The following PAWR variants were observed in gnomAD, a reference collection of about 807,000 sequenced individuals.
PAWR encodes pro-apoptotic WT1 regulator.
In PAWR, 23 loss-of-function variants were observed where a neutral mutation model predicts 32.0. The observed-to-expected ratio is 0.72, with a 90% CI of 0.52 to 1.02. PAWR has a LOEUF of 1.02. PAWR is among the 50% of genes least tolerant of loss of function. PAWR has a pLI of 0.00. For synonymous variants in PAWR, 226 were observed against 187.1 expected, an observed-to-expected ratio of 1.21 and a Z score of -1.70; for missense variants, 457 against 437.7, an observed-to-expected ratio of 1.04 and a Z score of -0.39.
chr12:79,630,257 A>G (rs933908835), intron 2 of PAWR, among the ~76,000 whole-genome samples: 1 of 151,794 alleles, frequency 6.6e-6, no homozygotes, highest in Non-Finnish European at 1.5e-5. Flanking sequence ...ATATTCTATG[A>G]TATTAAAAGA....
At chr12:79,621,261 A>C in intron 2 of PAWR, 54 bp from the exon 3 acceptor site, 2 of 1,318,784 alleles carry the variant, frequency 1.5e-6, no homozygotes, top group Non-Finnish European at 2.1e-6. Context: ...GACTGTTTCG[A>C]TAATATGTGA....
chr12:79,651,854 C>A (rs906342618), intron 2 of PAWR, among the ~76,000 whole-genome samples: 1 of 152,088 alleles, frequency 6.6e-6, no homozygotes, highest in African/African-American at 2.4e-5. Flanking sequence ...AAGAAGCAAG[C>A]CAGTATCTAC....
At chr12:79,682,475 A>T (rs1878492453) in intron 2 of PAWR, among the ~76,000 whole-genome samples, 1 of 152,258 alleles carries the variant, frequency 6.6e-6, no homozygotes, top group Admixed American at 6.5e-5. Flanking sequence ...TACTTAAAAT[A>T]AATGAGACTA....
chr12:79,594,700 CGTGTGTGTGT>C (rs34121968), intron 5 of PAWR, among the ~76,000 whole-genome samples: 145 of 148,580 alleles, frequency 9.8e-4, no homozygotes, highest in Middle Eastern at 3.5e-3. Flanking sequence ...GATTTAACCT[CGTGTGTGTGT>C]GTGTGTGTGT....
intron 2 of PAWR, among the ~76,000 whole-genome samples, chr12:79,653,804 C>A (rs1486884812): frequency 6.6e-6 from 1 of 152,188 alleles, no homozygotes; most frequent in Non-Finnish European, 1.5e-5. Context: ...TAAGAATTCA[C>A]CTCCTCATTT....
At chr12:79,640,151 C>A (rs1876251273) in intron 2 of PAWR, among the ~76,000 whole-genome samples, 1 of 152,138 alleles carries the variant, frequency 6.6e-6, no homozygotes, top group Non-Finnish European at 1.5e-5. Context: ...GATCCTCCCA[C>A]CTCAGCCTCC....
intron 2 of PAWR, among the ~76,000 whole-genome samples, chr12:79,645,486 G>C (rs1268484511): frequency 6.6e-6 from 1 of 152,152 alleles, no homozygotes; most frequent in East Asian, 1.9e-4. Context: ...AAGGCCATTA[G>C]TGCTGTGTAA....
intron 2 of PAWR, among the ~76,000 whole-genome samples, chr12:79,641,649 C>A (rs1186767649): frequency 1.3e-5 from 2 of 151,816 alleles, no homozygotes; most frequent in African/African-American, 4.8e-5. Flanking sequence ...GAGATCGAGA[C>A]CATCCTGGCC....
intron 2 of PAWR, among the ~76,000 whole-genome samples, chr12:79,641,845 CAAAAAAAAAA>C (rs35377529): frequency 3.5e-5 from 2 of 57,628 alleles, no homozygotes; most frequent in Non-Finnish European, 6.1e-5. Flanking sequence ...GACTCCGTCT[CAAAAAAAAAA>C]AAAAAAAAAA....
intron 2 of PAWR, among the ~76,000 whole-genome samples, chr12:79,650,242 C>A (rs946726787): frequency 6.6e-6 from 1 of 152,194 alleles, no homozygotes; most frequent in Non-Finnish European, 1.5e-5. Flanking sequence ...ATATTTAAAG[C>A]ATTTCATTTT....
At position 79,601,472 on chromosome 12, in the gene PAWR, T is replaced by C. The variant is rs368595175; in HGVS notation, c.684-4814A>G. Reference sequence around the variant, plus strand: ...TTCCTGCGTCAGCCACCCAAAGTGCTTGGAGTAGAAGTCTGAGCTACCACG... The same window carrying C: ...TTCCTGCGTCAGCCACCCAAAGTGCCTGGAGTAGAAGTCTGAGCTACCACG... On this transcript the variant is annotated intron_variant, in intron 4 of 6. Transcript: ENST00000328827. 3.4e-4 allele frequency among the ~76,000 whole-genome samples: 51 copies of C among 152,180 alleles called. 1 individual carries two copies. Among genetic ancestry groups the C allele is most frequent in the South Asian group, 4.1e-4 (2 of 4,824 alleles).
chr12:79,677,472 GAAAT>G (rs1878226430), intron 2 of PAWR, among the ~76,000 whole-genome samples: 1 of 151,940 alleles, frequency 6.6e-6, no homozygotes, highest in Non-Finnish European at 1.5e-5. Flanking sequence ...AGCTTAAAAT[GAAAT>G]AATAAGACAA....
chr12:79,643,508 C>T (rs530749862), intron 2 of PAWR, among the ~76,000 whole-genome samples: 4 of 152,126 alleles, frequency 2.6e-5, no homozygotes, highest in South Asian at 4.1e-4. Context: ...AAAGACATTT[C>T]AAAGCCTATA....
intron 4 of PAWR, among the ~76,000 whole-genome samples, chr12:79,606,148 T>C (rs531015633): frequency 9.2e-5 from 14 of 152,192 alleles, no homozygotes; most frequent in African/African-American, 2.4e-4. Flanking sequence ...ATATCCAACA[T>C]AGACAAATCT....
At chr12:79,654,925 T>TA (rs1877024429) in intron 2 of PAWR, among the ~76,000 whole-genome samples, 1 of 152,218 alleles carries the variant, frequency 6.6e-6, no homozygotes, top group African/African-American at 2.4e-5. Flanking sequence ...CAGAGGGAGT[T>TA]ACCACTTGGG....
chr12:79,682,305 T>C (rs1218405072), intron 2 of PAWR, among the ~76,000 whole-genome samples: 1 of 152,092 alleles, frequency 6.6e-6, no homozygotes, highest in African/African-American at 2.4e-5. Context: ...GTGTGAGCTA[T>C]GGCACCTGGC....
At position 79,591,630 on chromosome 12, in the gene PAWR, T is replaced by C. The variant is rs1873560377; in HGVS notation, c.*977A>G. 6.6e-6 allele frequency: 1 copy of C among 152,050 alleles called. No homozygotes were observed. Among genetic ancestry groups the C allele is most frequent in the Non-Finnish European group, 1.5e-5 (1 of 67,986 alleles). 9.4% of individuals were successfully genotyped at this position (152,050 alleles called of 1,614,324 possible). A position where few individuals can be genotyped will look rare whatever the true frequency, so the allele number is the denominator to read the frequency against. ...TTTGAAATAGCGGAATATTCTCTCA[T>C]ATGAAAAAACTGTGTCCCAGTGTTA... is the stretch of plus-strand genomic sequence containing the variant. On this transcript the variant is annotated 3_prime_UTR_variant, in exon 7 of 7. Coordinates refer to ENST00000328827, the MANE Select transcript of PAWR (RefSeq NM_002583.4).
chr12:79,689,319 T>C (rs1021335271), intron 2 of PAWR, among the ~76,000 whole-genome samples: 2 of 152,300 alleles, frequency 1.3e-5, no homozygotes, highest in Non-Finnish European at 2.9e-5. Context: ...AGAAATAAAC[T>C]GGTAACTTCA....
chr12:79,585,633 G>A lies in PAWR; in HGVS notation c.*6974C>T, dbSNP rs1217299012. 1 of 152,478 alleles carries A rather than the reference G, an allele frequency of 6.6e-6. No homozygotes were observed. The highest frequency in any genetic ancestry group is 1.5e-5 in the Non-Finnish European group (1 of 68,328). The allele number at this position is 152,478 out of a possible 1,614,324, so 9.4% of individuals were successfully genotyped here. ...TACGGCTACTGAATTACTAATGAAT[G>A]TTATTATGCTATCATAAGTTATGGT... On this transcript the variant is annotated 3_prime_UTR_variant, in exon 7 of 7. Coordinates refer to ENST00000328827, the MANE Select transcript of PAWR (RefSeq NM_002583.4).
Sources: allele counts gnomAD v4.1 joint callset (sites outside exome capture counted in the v4.1 genomes callset), GRCh38; gene constraint gnomAD v4.1.1; transcripts MANE v1.5; gene names NCBI Gene and HGNC (gene_info 2026-07-23, HGNC 2026-07-21).